The following ATF2 variants were observed in gnomAD, a reference collection of about 807,000 sequenced individuals.
ATF2 encodes activating transcription factor 2, also known as cyclic AMP-dependent transcription factor ATF-2.
ATF2 carries 24 observed loss-of-function variants against 60.6 expected under a neutral mutation model. That is an observed-to-expected ratio of 0.40 (90% CI 0.29 to 0.56). The LOEUF is 0.56. Ranked by LOEUF, ATF2 falls within the 20% of genes least tolerant of loss-of-function variation. The pLI, the probability that ATF2 is intolerant of heterozygous loss-of-function variation, is 0.54. For missense variants in ATF2, 433 were observed against 607.7 expected (o/e 0.71, Z 3.02); for synonymous variants, 206 against 215.4 (o/e 0.96, Z 0.38).
intron 4 of ATF2, among the ~76,000 whole-genome samples, chr2:175,127,854 A>T (rs1697446505): frequency 6.6e-6 from 1 of 152,206 alleles, no homozygotes; most frequent in South Asian, 2.1e-4. Flanking sequence ...ACCTCGCTCT[A>T]CATCATTAAA....
At chr2:175,145,375 T>C (rs748522241) in intron 2 of ATF2, among the ~76,000 whole-genome samples, 4 of 152,140 alleles carry the variant, frequency 2.6e-5, no homozygotes, top group African/African-American at 4.8e-5. Context: ...TCTGATTTTT[T>C]AAAATTGTGT....
At chr2:175,122,001 C>T (rs751526683) in intron 4 of ATF2, among the ~76,000 whole-genome samples, 2 of 151,722 alleles carry the variant, frequency 1.3e-5, no homozygotes, top group Non-Finnish European at 2.9e-5. Flanking sequence ...TACGCCTGGA[C>T]AAAATTTAGA....
intron 12 of ATF2, among the ~76,000 whole-genome samples, chr2:175,082,625 A>G (rs991512927): frequency 4.6e-5 from 7 of 152,194 alleles, no homozygotes; most frequent in Non-Finnish European, 1.0e-4. Context: ...GATGGTGAAC[A>G]TAATGATTTT....
chr2:175,094,892 A>G (rs1407800729), intron 11 of ATF2, among the ~76,000 whole-genome samples: 2 of 152,144 alleles, frequency 1.3e-5, no homozygotes, highest in Admixed American at 6.6e-5. Context: ...GCAGTGAGCC[A>G]TGATCGCACC....
chr2:175,111,270 C>G (rs1174133461), intron 10 of ATF2, among the ~76,000 whole-genome samples: 1 of 152,102 alleles, frequency 6.6e-6, no homozygotes, highest in Non-Finnish European at 1.5e-5. Flanking sequence ...CATCTAGTTT[C>G]AGATGTAATA....
intron 2 of ATF2, among the ~76,000 whole-genome samples, chr2:175,141,175 G>A (rs1270331582): frequency 6.6e-6 from 1 of 150,928 alleles, no homozygotes; most frequent in Non-Finnish European, 1.5e-5. Context: ...TCAAAGACCA[G>A]GGCTAATGAC....
intron 9 of ATF2, among the ~76,000 whole-genome samples, chr2:175,112,663 C>T (rs1460415291): frequency 6.6e-6 from 1 of 152,236 alleles, no homozygotes; most frequent in Non-Finnish European, 1.5e-5. Context: ...CGGCTAACTA[C>T]AGTCTCAACC....
chr2:175,121,026 A>C (rs976316261), intron 5 of ATF2, among the ~76,000 whole-genome samples: 1 of 151,814 alleles, frequency 6.6e-6, no homozygotes, highest in African/African-American at 2.4e-5. Context: ...AAACAACTCT[A>C]ATGAACAAGT....
rs1696070231 is a variant in ATF2 at position 175,110,139 on chromosome 2, A to G, written c.828+1429T>C. On this transcript the variant is annotated intron_variant, in intron 10 of 13. Transcript: ENST00000264110. ...ATCACGAGGTCAGGAGTTCGAGACC[A>G]GTCTGACCAACATGGTGAAAACCCG... Among the ~76,000 whole-genome samples, 13 of 152,238 alleles carry G rather than the reference A, an allele frequency of 8.5e-5. No individual in the cohort carries two copies. In the South Asian group the frequency reaches 2.5e-3, roughly 29 times the overall value.
chr2:175,166,842 C>T (rs1700378668), intron 1 of ATF2, among the ~76,000 whole-genome samples: 1 of 152,106 alleles, frequency 6.6e-6, no homozygotes, highest in Admixed American at 6.5e-5. Context: ...GTGACCGTCT[C>T]CATAATTTAA....
At chr2:175,092,053 T>G (rs1033825475) in intron 12 of ATF2, among the ~76,000 whole-genome samples, 1 of 152,184 alleles carries the variant, frequency 6.6e-6, no homozygotes, top group Non-Finnish European at 1.5e-5. Flanking sequence ...ATGTCAATAT[T>G]CAAAGCAAAA....
chr2:175,154,246 T>A, intron 1 of ATF2, among the ~76,000 whole-genome samples: 1 of 148,930 alleles, frequency 6.7e-6, no homozygotes, highest in East Asian at 1.9e-4. Flanking sequence ...TATATATATA[T>A]ATATATTTTT....
chr2:175,113,770 A>C (rs1307505513), intron 9 of ATF2, among the ~76,000 whole-genome samples: 2 of 152,046 alleles, frequency 1.3e-5, no homozygotes, highest in African/African-American at 4.8e-5. Context: ...GGGTTGAATA[A>C]GAAGATCTCA....
intron 5 of ATF2, among the ~76,000 whole-genome samples, chr2:175,119,968 T>C (rs1020072200): frequency 3.3e-5 from 5 of 151,624 alleles, no homozygotes; most frequent in Non-Finnish European, 5.9e-5. Context: ...TCACCAAAAA[T>C]ATACCACACA....
chr2:175,138,960 A>ATT (rs1444875444), intron 2 of ATF2, among the ~76,000 whole-genome samples: 2 of 152,218 alleles, frequency 1.3e-5, no homozygotes, highest in African/African-American at 2.4e-5. Flanking sequence ...CGTAAGTTAT[A>ATT]CAATATTGTG....
intron 12 of ATF2, among the ~76,000 whole-genome samples, chr2:175,081,867 A>G (rs1045850790): frequency 2.0e-5 from 3 of 152,172 alleles, no homozygotes; most frequent in Non-Finnish European, 4.4e-5. Flanking sequence ...CCTGGCCAAC[A>G]TGGTGAAACC....
chr2:175,114,796 C>T lies in ATF2; in HGVS notation c.520G>A (p.Val174Met). 1.9e-6 allele frequency: 3 copies of T among 1,613,962 alleles called. No individual in the cohort carries two copies. The highest frequency in any genetic ancestry group is 2.5e-6 in the Non-Finnish European group (3 of 1,179,902). ...VRPASLQVPN[V>M]LLTSSDSSVI... ...CTTGAGTCAGAACTTGTAAGCAGCA[C>T]ATTGGGAACCTGTAATGATGCTGGA... The change falls in exon 8 of 14, where the codon GTG becomes ATG. Residue 174 changes from valine to methionine, a missense_variant. Physicochemically the swap from Val to Met is conservative, Grantham distance 21. Around this residue, in one of 5 missense-constraint regions of ATF2, gnomAD observed 246 missense variants for 309.3 expected, o/e 0.80. Transcript: ENST00000264110.
intron 13 of ATF2, among the ~76,000 whole-genome samples, chr2:175,075,899 A>G (rs1345494086): frequency 6.6e-6 from 1 of 152,188 alleles, no homozygotes; most frequent in Non-Finnish European, 1.5e-5. Context: ...CACTGGATGT[A>G]TTCTTTTGCA....
chr2:175,112,984 T>C (rs374868061), intron 9 of ATF2, among the ~76,000 whole-genome samples: 97 of 152,288 alleles, frequency 6.4e-4, no homozygotes, highest in Middle Eastern at 3.4e-3. Context: ...TTTTATTACA[T>C]AAATAAGTAC....
Sources: allele counts gnomAD v4.1 joint callset (sites outside exome capture counted in the v4.1 genomes callset), GRCh38; gene constraint gnomAD v4.1.1; regional missense constraint gnomAD v4.1.1; transcripts MANE v1.5; gene names NCBI Gene and HGNC (gene_info 2026-07-23, HGNC 2026-07-21).